Variants in XAGE5 observed in about 807,000 individuals in gnomAD.
XAGE5 encodes the protein X antigen family member 5, also known as G antigen, family D, 5.
Under a neutral mutation model 13.1 loss-of-function variants are expected in XAGE5, and 13 were observed. That is an observed-to-expected ratio of 0.99 (90% CI 0.64 to 1.57). XAGE5 has a LOEUF of 1.57. Among genes scored for constraint, XAGE5 ranks in the 40% most tolerant of loss-of-function variants. XAGE5 has a pLI of 0.00. For synonymous variants in XAGE5, 17 were observed against 25.0 expected, an observed-to-expected ratio of 0.68 and a Z score of 0.96; for missense variants, 86 against 77.6, an observed-to-expected ratio of 1.11 and a Z score of -0.41.
intron 3 of XAGE5, 72 bp downstream of exon 3, chrX:52,812,710 T>G (rs1240048861): frequency 3.4e-5 from 32 of 943,288 alleles, no homozygotes; most frequent in Non-Finnish European, 6.1e-6. Context: ...GTTGAACTAG[T>G]ATAGATACAC....
Position 52,815,023 on chromosome X carries a change from G to T in XAGE5, c.179-69G>T. ...TTTTATTGCACAACACTGAGGAAAA[G>T]AATAGGATCATCTCCTTATTTATCA... is the stretch of plus-strand genomic sequence containing the variant. On this transcript the variant is annotated intron_variant, in intron 4 of 5. Coordinates refer to ENST00000375501, the MANE Select transcript of XAGE5 (RefSeq NM_001386970.1). 5.1e-6 allele frequency: 6 copies of T among 1,169,117 alleles called. No individual in the cohort carries two copies. The South Asian group carries it at 1.1e-4, about 21-fold the overall frequency.
chrX:52,817,669 A>G (rs1926932990), intron 5 of XAGE5, among the ~76,000 whole-genome samples: 1 of 112,276 alleles, frequency 8.9e-6, no homozygotes, highest in Admixed American at 9.5e-5. Context: ...TATTCATTCC[A>G]CTTATGTATT....
At chrX:52,814,303 A>C (rs1216511848) in intron 4 of XAGE5, 7 of 322,738 alleles carry the variant, frequency 2.2e-5, no homozygotes, top group African/African-American at 1.9e-4. Flanking sequence ...TTTTGACAGC[A>C]TGTTTCGTAA....
At chrX:52,812,775 G>A in intron 3 of XAGE5, 137 bp downstream of exon 3, 1 of 592,378 alleles carries the variant, frequency 1.7e-6, no homozygotes, top group Non-Finnish European at 2.7e-6. Flanking sequence ...ATGAAGGAAA[G>A]AGTAACCCAA....
At chrX:52,812,508 A>T in intron 2 of XAGE5, 51 bp from the exon 3 acceptor site, 1 of 1,117,778 alleles carries the variant, frequency 8.9e-7, no homozygotes. Flanking sequence ...TTCTGACCTC[A>T]GGTGATCCAT....
At chrX:52,814,135 T>A in intron 4 of XAGE5, 2 of 293,155 alleles carry the variant, frequency 6.8e-6, no homozygotes, top group East Asian at 2.1e-4. Flanking sequence ...TTTTAGAAAA[T>A]GTGAATGATT....
chrX:52,817,928 A>G (rs1320630641), intron 5 of XAGE5, among the ~76,000 whole-genome samples: 1 of 111,873 alleles, frequency 8.9e-6, no homozygotes, highest in Non-Finnish European at 1.9e-5. Context: ...ATTTAATGTG[A>G]TCTGACCTCA....
rs140852313 is a variant in XAGE5, at chrX:52,811,713, G to A, written c.-15G>A. Among the ~76,000 whole-genome samples, 2,108 of 110,459 alleles carry A rather than the reference G, an allele frequency of 0.019. 46 individuals carry two copies. Among genetic ancestry groups the A allele is most frequent in the Admixed American group, 0.076 (788 of 10,373 alleles). ...CAAGGGACATCAAGGCTGGAATGTC[G>A]TGGACGGTAAGGAAGGGGCCTAGAA... On this transcript the variant is annotated 5_prime_UTR_variant, in exon 2 of 6. The change creates a new upstream start codon in the 5' untranslated region. Coordinates refer to ENST00000375501, the MANE Select transcript of XAGE5 (RefSeq NM_001386970.1).
rs782736992 is a variant in XAGE5 at position 52,816,918 on chromosome X, T to C, written c.305-1273T>C. Among the ~76,000 whole-genome samples the C allele has an allele frequency of 2.7e-5, 3 of 111,437 alleles. No individual in the cohort carries two copies. In the South Asian group the frequency reaches 1.1e-3, roughly 41 times the overall value. On this transcript the variant is annotated intron_variant, in intron 5 of 5. Coordinates refer to ENST00000375501, the MANE Select transcript of XAGE5 (RefSeq NM_001386970.1). ...AAAAAATAATAAAAGAGTCACAGAATAAACTTAAGGGAAAAGGAAGCAGGC... is the reference window on the plus strand; with the variant it reads ...AAAAAATAATAAAAGAGTCACAGAACAAACTTAAGGGAAAAGGAAGCAGGC...
chrX:52,814,943 A>G (rs371979785), intron 4 of XAGE5, 149 bp from the exon 5 acceptor site: 2 of 605,405 alleles, frequency 3.3e-6, no homozygotes, highest in South Asian at 3.3e-5. Flanking sequence ...GTCATTTAAG[A>G]TAAGATATCA....
At chrX:52,815,357 C>T (rs1177424337) in intron 5 of XAGE5, 140 bp downstream of exon 5, 2 of 716,736 alleles carry the variant, frequency 2.8e-6, no homozygotes, top group South Asian at 3.9e-5. Context: ...GTAATTCAGA[C>T]CCCAGAAGCC....
At chrX:52,814,303 A>G (rs1216511848) in intron 4 of XAGE5, 1 of 322,738 alleles carries the variant, frequency 3.1e-6, no homozygotes, top group East Asian at 9.8e-5. Context: ...TTTTGACAGC[A>G]TGTTTCGTAA....
chrX:52,817,283 G>A (rs1188283003), intron 5 of XAGE5, among the ~76,000 whole-genome samples: 2 of 111,813 alleles, frequency 1.8e-5, no homozygotes, highest in Admixed American at 9.5e-5. Flanking sequence ...TTTGCTAGTC[G>A]TCCCTCAAAA....
rs1556777515 is a variant in XAGE5, at chrX:52,812,658, A to G, written c.72+20A>G. The stretch of plus-strand genomic sequence containing the variant: ...ATGCTTGTGAGTGACTTCACATTCG[A>G]TTTTTTTCTACTAGCAGAAATTTTT... On this transcript the variant is annotated intron_variant, in intron 3 of 5. Coordinates refer to ENST00000375501, the MANE Select transcript of XAGE5 (RefSeq NM_001386970.1). 8.3e-7 allele frequency: 1 copy of G among 1,203,223 alleles called. No individual in the cohort carries two copies.
At chrX:52,816,025 C>A (rs781814615) in intron 5 of XAGE5, among the ~76,000 whole-genome samples, 1 of 111,860 alleles carries the variant, frequency 8.9e-6, no homozygotes, top group Non-Finnish European at 1.9e-5. Context: ...TTCACTGTGA[C>A]CTCCGCCTCC....
intron 5 of XAGE5, among the ~76,000 whole-genome samples, chrX:52,817,345 G>A (rs1926924581): frequency 9.0e-6 from 1 of 111,662 alleles, no homozygotes; most frequent in African/African-American, 3.3e-5. Context: ...CTTACTCTCC[G>A]TTTTCATTTC....
chrX:52,813,177 C>G lies in XAGE5; in HGVS notation c.110C>G (p.Pro37Arg), dbSNP rs782406328. The G allele has an allele frequency of 5.8e-6, 7 of 1,209,137 alleles. No homozygotes were observed. The Middle Eastern group carries it at 6.9e-4, about 119-fold the overall frequency. ...SVPEPQQEEP[P>R]TESQDHTPGQ... The stretch of plus-strand genomic sequence containing the variant: ...CCAGAGCCTCAACAAGAAGAACCAC[C>G]AACTGAAAGTCAGGATCATACACCT... The change falls in exon 4 of 6, where the codon CCA becomes CGA. Residue 37 changes from proline to arginine, a missense_variant. Pro to Arg is a moderately radical substitution (Grantham distance 103). Coordinates refer to ENST00000375501, the MANE Select transcript of XAGE5 (RefSeq NM_001386970.1).
chrX:52,813,014 T>C, intron 3 of XAGE5, 126 bp from the exon 4 acceptor site: 1 of 548,194 alleles, frequency 1.8e-6, no homozygotes, highest in Non-Finnish European at 3.2e-6. Context: ...TGTAGGAGCA[T>C]GTCTTTAAAC....
At chrX:52,812,316 C>T in intron 2 of XAGE5, 1 of 313,391 alleles carries the variant, frequency 3.2e-6, no homozygotes, top group Non-Finnish European at 5.6e-6. Context: ...TCTTGTTGCC[C>T]AGGCTGGAGT....
Sources: allele counts gnomAD v4.1 joint callset (sites outside exome capture counted in the v4.1 genomes callset), GRCh38; gene constraint gnomAD v4.1.1; transcripts MANE v1.5; gene names NCBI Gene and HGNC (gene_info 2026-07-23, HGNC 2026-07-21).